PLXDC2: variants seen among roughly 807,000 people sequenced by gnomAD.
The protein encoded by PLXDC2 is plexin domain containing 2.
A neutral mutation model predicts 68.9 loss-of-function variants in PLXDC2; 40 were observed. The observed-to-expected ratio is 0.58, with a 90% confidence interval of 0.45 to 0.76. The LOEUF (loss-of-function observed/expected upper bound fraction) is 0.76, where lower values mean the gene tolerates loss of function less well. Ranked by LOEUF, PLXDC2 falls within the 30% of genes least tolerant of loss-of-function variation. PLXDC2 has a pLI of 0.00. For missense variants in PLXDC2, 644 were observed against 661.9 expected (o/e 0.97, Z 0.30); for synonymous variants, 243 against 234.2 (o/e 1.04, Z -0.34).
intron 4 of PLXDC2, among the ~76,000 whole-genome samples, chr10:20,073,258 CTTCA>C (rs1458099258): frequency 1.2e-4 from 18 of 152,158 alleles, no homozygotes; most frequent in Admixed American, 6.5e-5. Context: ...CTTCATCTTA[CTTCA>C]TTGTTTTGCC....
At chr10:19,860,055 A>G (rs950695710) in intron 1 of PLXDC2, among the ~76,000 whole-genome samples, 2 of 152,128 alleles carry the variant, frequency 1.3e-5, no homozygotes, top group African/African-American at 4.8e-5. Context: ...TTCAAAGAAA[A>G]TCCTACTTTA....
rs1274409865 is a variant in PLXDC2, at chr10:20,283,222, GAC to G, written c.*3407_*3408del. 2.0e-5 allele frequency: 3 copies of G among 152,132 alleles called. No individual in the cohort carries two copies. The highest frequency in any genetic ancestry group is 4.4e-5 in the Non-Finnish European group (3 of 68,014). 9.4% of individuals were successfully genotyped at this position (152,132 alleles called of 1,614,324 possible). A position where few individuals can be genotyped will look rare whatever the true frequency, so the allele number is the denominator to read the frequency against. Reference sequence around the variant, plus strand: ...TGGAGTAATGAAAAAAATACAAGCTGACACAGCTTTAAATCCCCACTGTGTTA... The same window carrying G: ...TGGAGTAATGAAAAAAATACAAGCTGACAGCTTTAAATCCCCACTGTGTTA... On this transcript the variant is annotated 3_prime_UTR_variant, in exon 14 of 14. Coordinates refer to ENST00000377252, the MANE Select transcript of PLXDC2 (RefSeq NM_032812.9).
At chr10:19,964,342 G>A (rs888507334) in intron 1 of PLXDC2, among the ~76,000 whole-genome samples, 2 of 152,124 alleles carry the variant, frequency 1.3e-5, no homozygotes, top group African/African-American at 2.4e-5. Context: ...AGGAAGGGAG[G>A]TTGGGCTGAT....
At chr10:20,231,948 A>G (rs1004281196) in intron 12 of PLXDC2, among the ~76,000 whole-genome samples, 2 of 151,950 alleles carry the variant, frequency 1.3e-5, no homozygotes, top group Admixed American at 1.3e-4. Context: ...AGCCTGGGAG[A>G]CTGACTTGAT....
intron 1 of PLXDC2, among the ~76,000 whole-genome samples, chr10:19,979,322 C>A (rs1317573776): frequency 6.6e-6 from 1 of 151,858 alleles, no homozygotes; most frequent in Admixed American, 6.6e-5. Context: ...ATAATCTGAG[C>A]CAATTTAGAT....
At chr10:19,828,692 T>C (rs893452335) in intron 1 of PLXDC2, among the ~76,000 whole-genome samples, 3 of 152,194 alleles carry the variant, frequency 2.0e-5, no homozygotes, top group Non-Finnish European at 4.4e-5. Context: ...GGAAGCCAGA[T>C]TGGTGCAATC....
chr10:19,903,134 C>CT (rs926391120), intron 1 of PLXDC2, among the ~76,000 whole-genome samples: 19 of 150,966 alleles, frequency 1.3e-4, no homozygotes, highest in Non-Finnish European at 7.4e-5. Flanking sequence ...TCTGTAGGTT[C>CT]TTTTTTTTTG....
At chr10:20,260,338 A>G (rs1835794455) in intron 13 of PLXDC2, among the ~76,000 whole-genome samples, 1 of 152,164 alleles carries the variant, frequency 6.6e-6, no homozygotes, top group Non-Finnish European at 1.5e-5. Flanking sequence ...CTTTGGGTCT[A>G]CTTTCTCCCA....
intron 1 of PLXDC2, among the ~76,000 whole-genome samples, chr10:19,851,346 T>G (rs1223061398): frequency 6.6e-6 from 1 of 152,182 alleles, no homozygotes; most frequent in South Asian, 2.1e-4. Flanking sequence ...TGTTGTTGTT[T>G]TTTAAGCAGT....
chr10:20,211,240 G>C (rs763076639), intron 9 of PLXDC2, among the ~76,000 whole-genome samples: 1 of 151,884 alleles, frequency 6.6e-6, no homozygotes, highest in South Asian at 2.1e-4. Context: ...GGTCTTGAAT[G>C]AATGAGTAAA....
intron 7 of PLXDC2, among the ~76,000 whole-genome samples, chr10:20,175,704 T>C (rs1203153691): frequency 6.6e-6 from 1 of 151,796 alleles, no homozygotes; most frequent in East Asian, 2.0e-4. Flanking sequence ...TGGTGGCAAA[T>C]GCCTGTAGTC....
chr10:20,253,019 A>T (rs1835698940), intron 13 of PLXDC2, among the ~76,000 whole-genome samples: 2 of 151,124 alleles, frequency 1.3e-5, no homozygotes, highest in Middle Eastern at 3.4e-3. Flanking sequence ...CAGATTAGTT[A>T]AAAAAAATTA....
intron 10 of PLXDC2, 128 bp from the exon 11 acceptor site, chr10:20,217,298 C>A: frequency 1.2e-6 from 1 of 802,706 alleles, no homozygotes; most frequent in Non-Finnish European, 1.8e-6. Flanking sequence ...TAGTCTTGTA[C>A]AAAAGTAATT....
chr10:20,009,261 G>T (rs955339787), intron 2 of PLXDC2, among the ~76,000 whole-genome samples: 6 of 152,196 alleles, frequency 3.9e-5, no homozygotes, highest in African/African-American at 1.4e-4. Context: ...AATAAAACAC[G>T]TACAAGGAGA....
At chr10:19,922,491 A>G (rs1805064456) in intron 1 of PLXDC2, among the ~76,000 whole-genome samples, 2 of 152,226 alleles carry the variant, frequency 1.3e-5, no homozygotes, top group East Asian at 1.9e-4. Flanking sequence ...TCCTTCTATG[A>G]GTCATGATTC....
At chr10:19,896,515 G>A (rs1421365969) in intron 1 of PLXDC2, among the ~76,000 whole-genome samples, 1 of 152,208 alleles carries the variant, frequency 6.6e-6, no homozygotes, top group Non-Finnish European at 1.5e-5. Context: ...ATAAATGCTT[G>A]TTATTAATAA....
intron 12 of PLXDC2, among the ~76,000 whole-genome samples, chr10:20,222,282 A>T (rs1349245236): frequency 6.6e-6 from 1 of 152,188 alleles, no homozygotes; most frequent in Non-Finnish European, 1.5e-5. Context: ...TCCACTGCTG[A>T]CATGATTATA....
At chr10:20,070,856 C>G (rs530696499) in intron 4 of PLXDC2, 1 of 152,178 alleles carries the variant, frequency 6.6e-6, no homozygotes, top group Admixed American at 6.5e-5. Context: ...AGCAATTCAG[C>G]CAATATGAAG....
At chr10:20,264,174 C>T (rs2778968) in intron 13 of PLXDC2, among the ~76,000 whole-genome samples, 128,879 of 152,142 alleles carry the variant, frequency 0.85, 55,078 homozygotes, top group Middle Eastern at 0.94. Flanking sequence ...GGAACATGAA[C>T]GAAGCTGGAG....
Sources: gnomAD v4.1 joint callset for allele counts (sites outside exome capture counted in the v4.1 genomes callset) on GRCh38, gnomAD v4.1.1 for gene constraint, MANE v1.5 for transcripts, NCBI Gene and HGNC (gene_info 2026-07-23, HGNC 2026-07-21) for gene names.